The following OR52A1 variants were observed in gnomAD, a reference collection of about 807,000 sequenced individuals.
OR52A1 encodes olfactory receptor family 52 subfamily A member 1.
A neutral mutation model predicts 14.3 loss-of-function variants in OR52A1; 14 were observed. The ratio of observed to expected loss-of-function variants is 0.98; its 90% CI spans 0.65 to 1.54. The LOEUF is 1.54. Ranked by LOEUF, OR52A1 falls within the 40% of genes most tolerant of loss-of-function variation. The pLI, the probability that OR52A1 is intolerant of heterozygous loss-of-function variation, is 0.00. For missense variants in OR52A1, 405 were observed against 381.3 expected, an observed-to-expected ratio of 1.06 and a Z score of -0.52; for synonymous variants, 151 against 135.3, an observed-to-expected ratio of 1.12 and a Z score of -0.80.
chr11:5,149,964 C>A lies in OR52A1; in HGVS notation c.*1467G>T, dbSNP rs765653685. ...ATCCACCAGGTGGGTGTATGACAAGCAATCCAATATTTCTTATATTTGCAG... is the reference window on the plus strand; with the variant it reads ...ATCCACCAGGTGGGTGTATGACAAGAAATCCAATATTTCTTATATTTGCAG... On this transcript the variant is annotated 3_prime_UTR_variant, in exon 2 of 2. Coordinates refer to ENST00000380367, the MANE Select transcript of OR52A1 (RefSeq NM_012375.3). The A allele has an allele frequency of 7.2e-5, 11 of 152,072 alleles. No individual in the cohort carries two copies. The highest frequency in any genetic ancestry group is 1.3e-4 in the Non-Finnish European group (9 of 68,012). The allele number at this position is 152,072 out of a possible 1,614,324, so 9.4% of individuals were successfully genotyped here. A position where few individuals can be genotyped will look rare whatever the true frequency, so the allele number is the denominator to read the frequency against.
In OR52A1 at chr11:5,151,070, T is replaced by C. The variant is rs1846534222; in HGVS notation, c.*361A>G. The C allele has an allele frequency of 6.2e-6, 1 of 162,064 alleles. No homozygotes were observed. The highest frequency in any genetic ancestry group is 1.3e-5 in the Non-Finnish European group (1 of 74,728). The allele number at this position is 162,064 out of a possible 1,614,324, so 10.0% of individuals were successfully genotyped here. On this transcript the variant is annotated 3_prime_UTR_variant, in exon 2 of 2. Coordinates refer to ENST00000380367, the MANE Select transcript of OR52A1 (RefSeq NM_012375.3). ...AATGAGAGTCAACAACTTGTTTTCA[T>C]TGAGTCCCTGGATGTTTCAGAACAA...
At position 5,152,259 on chromosome 11, in the gene OR52A1, A is replaced by G. The variant is rs775611870; in HGVS notation, c.111T>C (p.Tyr37=). The G allele has an allele frequency of 3.1e-6, 5 of 1,614,156 alleles. No individual in the cohort carries two copies. Among genetic ancestry groups the G allele is most frequent in the Non-Finnish European group, 4.2e-6 (5 of 1,179,998 alleles). ...CWIGIPFCAI[Y]LIAMIGNSLL... Reference sequence around the variant, plus strand: ...AGGAATTTCCAATCATAGCAATGAGATAAATGGCACAGAATGGAATCCCAA... The same window carrying G: ...AGGAATTTCCAATCATAGCAATGAGGTAAATGGCACAGAATGGAATCCCAA... Residue 37 remains tyrosine (Y), a synonymous_variant, in exon 2 of 2, where the codon TAT becomes TAC. Transcript: ENST00000380367.
intron 1 of OR52A1, among the ~76,000 whole-genome samples, chr11:5,153,466 G>T (rs1227444132): frequency 1.3e-5 from 2 of 152,142 alleles, no homozygotes; most frequent in Non-Finnish European, 2.9e-5. Flanking sequence ...GGACAAACTT[G>T]GGGAGACTAA....
In OR52A1 at chr11:5,152,139, G is replaced by A. The variant is rs747962249; in HGVS notation, c.231C>T (p.Ser77=). ...TTCCAAGCATCTTTGGCATAATGCT[G>A]CTAGCAAGTGCAATGTCTGTGGCTC... The part of the protein sequence containing the change: ...MLGATDIALA[S]SIMPKMLGIF... Residue 77 remains serine (S), a synonymous_variant, in exon 2 of 2, where the codon AGC becomes AGT. Transcript: ENST00000380367. 6.2e-7 allele frequency: 1 copy of A among 1,614,028 alleles called. No individual in the cohort carries two copies. Among genetic ancestry groups the A allele is most frequent in the Non-Finnish European group, 8.5e-7 (1 of 1,179,916 alleles).
In OR52A1 at chr11:5,151,565, A is replaced by AC. The variant is rs112098990; in HGVS notation, c.804dup (p.Ser269ValfsTer13). On this transcript the variant is annotated frameshift_variant, in exon 2 of 2. Transcript: ENST00000380367. LOFTEE classifies it high-confidence loss of function. ...ATATGGATATAAGGGGAGATGTGAG[A>AC]CCCAAACCTATGTGTGAAGAAGGAG... 379,708 of 1,613,738 alleles carry AC rather than the reference A, an allele frequency of 0.24. 46,906 individuals are homozygous for AC. The highest frequency in any genetic ancestry group is 0.32 in the Middle Eastern group (1,941 of 6,062).
In OR52A1 at chr11:5,152,404, G is replaced by T. The variant is rs752340576; in HGVS notation, c.-35C>A. ...GGGTCTCCTGATGCAAACAAAAGAA[G>T]TTTCTCAGTCAGTGTTACTGTTCCT... On this transcript the variant is annotated 5_prime_UTR_variant, in exon 2 of 2. Coordinates refer to ENST00000380367, the MANE Select transcript of OR52A1 (RefSeq NM_012375.3). 3.8e-5 allele frequency: 55 copies of T among 1,462,242 alleles called. No homozygotes were observed. The highest frequency in any genetic ancestry group is 5.0e-5 in the Non-Finnish European group (54 of 1,070,590). 90.6% of individuals were successfully genotyped at this position (1,462,242 alleles called of 1,614,324 possible). A position where few individuals can be genotyped will look rare whatever the true frequency, so the allele number is the denominator to read the frequency against.
Position 5,148,533 on chromosome 11 carries a change from A to ATT in OR52A1, c.*2896_*2897dup, listed in dbSNP as rs397698801. On this transcript the variant is annotated 3_prime_UTR_variant, in exon 2 of 2. Coordinates refer to ENST00000380367, the MANE Select transcript of OR52A1 (RefSeq NM_012375.3). ...GAGCCACCGCACCCGGCCTGAAAGCATTTTTTTTTTTTCACCAAGCGTTCT... is the reference window on the plus strand; with the variant it reads ...GAGCCACCGCACCCGGCCTGAAAGCATTTTTTTTTTTTTTCACCAAGCGTTCT... The ATT allele has an allele frequency of 2.8e-5, 4 of 145,104 alleles. No individual in the cohort carries two copies. The highest frequency in any genetic ancestry group is 4.4e-4 in the South Asian group (2 of 4,552). 9.0% of individuals were successfully genotyped at this position (145,104 alleles called of 1,614,324 possible).
chr11:5,153,757 T>C (rs1334357580), intron 1 of OR52A1, among the ~76,000 whole-genome samples: 1 of 151,880 alleles, frequency 6.6e-6, no homozygotes, highest in Non-Finnish European at 1.5e-5. Flanking sequence ...GCTAACCGTA[T>C]GCTTCATGTC....
At chr11:5,153,282 CAG>C (rs1157062631) in intron 1 of OR52A1, among the ~76,000 whole-genome samples, 1 of 152,082 alleles carries the variant, frequency 6.6e-6, no homozygotes, top group East Asian at 1.9e-4. Flanking sequence ...TTAAAATGTT[CAG>C]AGTTATAATT....
chr11:5,148,781 A>T lies in OR52A1; in HGVS notation c.*2650T>A, dbSNP rs1846511218. On this transcript the variant is annotated 3_prime_UTR_variant, in exon 2 of 2. Coordinates refer to ENST00000380367, the MANE Select transcript of OR52A1 (RefSeq NM_012375.3). ...CAAATTAGAAAAATGAACAAAGGAA[A>T]CAATGAAGTACTTCACATAAAGAAT... is the stretch of plus-strand genomic sequence containing the variant. 6.6e-6 allele frequency: 1 copy of T among 152,238 alleles called. No homozygotes were observed. Among genetic ancestry groups the T allele is most frequent in the South Asian group, 2.1e-4 (1 of 4,830 alleles). 9.4% of individuals were successfully genotyped at this position (152,238 alleles called of 1,614,324 possible). A position where few individuals can be genotyped will look rare whatever the true frequency, so the allele number is the denominator to read the frequency against.
At chr11:5,154,099 A>T (rs1157354206) in intron 1 of OR52A1, among the ~76,000 whole-genome samples, 1 of 152,156 alleles carries the variant, frequency 6.6e-6, no homozygotes, top group Non-Finnish European at 1.5e-5. Flanking sequence ...TCCATAAGTC[A>T]CTGGCTTTTT....
In OR52A1 at chr11:5,148,013, A is replaced by T. The variant is rs2133532983; in HGVS notation, c.*3418T>A. ...ATAGGCCTGCTAACCAAATCTCAAA[A>T]GGTCGTCCATTTAACAATAAATTGA... On this transcript the variant is annotated 3_prime_UTR_variant, in exon 2 of 2. Transcript: ENST00000380367. 6.6e-6 allele frequency: 1 copy of T among 152,254 alleles called. No individual in the cohort carries two copies. The highest frequency in any genetic ancestry group is 2.1e-4 in the South Asian group (1 of 4,822). 9.4% of individuals were successfully genotyped at this position (152,254 alleles called of 1,614,324 possible).
At position 5,151,590 on chromosome 11, in the gene OR52A1, G is replaced by A. The variant is rs867500065; in HGVS notation, c.780C>T (p.Phe260=). Residue 260 remains phenylalanine, a synonymous_variant, in exon 2 of 2, where the codon TTC becomes TTT. Coordinates refer to ENST00000380367, the MANE Select transcript of OR52A1 (RefSeq NM_012375.3). The part of the protein sequence containing the change: ...VFLQFYLLAF[F]SFFTHRFGSH... ...ACCCAAACCTATGTGTGAAGAAGGA[G>A]AAGAAGGCAAGGAGGTAGAACTGGA... 1.2e-6 allele frequency: 2 copies of A among 1,614,092 alleles called. No individual in the cohort carries two copies. Among genetic ancestry groups the A allele is most frequent in the Non-Finnish European group, 1.7e-6 (2 of 1,179,970 alleles).
chr11:5,152,079 A>T lies in OR52A1; in HGVS notation c.291T>A (p.Asp97Glu), dbSNP rs755261323. Residue 97 changes from aspartate (D) to glutamate (E), a missense_variant, in exon 2 of 2, where the codon GAT (aspartate) becomes GAA (glutamate). By Grantham distance (45) the Asp-to-Glu change is conservative. Transcript: ENST00000380367. Reference protein sequence around the residue: ...FWFNVPEIYFDSCLLQMWFIH... With the variant: ...FWFNVPEIYFESCLLQMWFIH... ...TGAACCACATTTGAAGCAAGCAGGA[A>T]TCAAAATAGATTTCAGGCACATTAA... is the stretch of plus-strand genomic sequence containing the variant. 6.2e-7 allele frequency: 1 copy of T among 1,613,992 alleles called. No individual in the cohort carries two copies. The highest frequency in any genetic ancestry group is 8.5e-7 in the Non-Finnish European group (1 of 1,179,984).
chr11:5,153,321 AT>A (rs1188729354), intron 1 of OR52A1, among the ~76,000 whole-genome samples: 2 of 152,208 alleles, frequency 1.3e-5, no homozygotes, highest in Non-Finnish European at 1.5e-5. Flanking sequence ...ATAAAGGCTC[AT>A]TAGTTCTTAA....
chr11:5,151,514 C>A lies in OR52A1; in HGVS notation c.856G>T (p.Val286Phe). The A allele has an allele frequency of 1.2e-6, 2 of 1,613,888 alleles. No homozygotes were observed. The highest frequency in any genetic ancestry group is 1.1e-5 in the South Asian group (1 of 90,978). Residue 286 changes from valine to phenylalanine, a missense_variant, in exon 2 of 2, where the codon GTC becomes TTC. Physicochemically the swap from Val to Phe is conservative, Grantham distance 50 (BLOSUM62 -1). Transcript: ENST00000380367. ...HILFSSIYLL[V>F]PPFLNPLVYG... Reference sequence around the variant, plus strand: ...ACAAGTGGATTGAGAAATGGAGGGACCAGCAAGTAAATGCTAGAAAAGAGA... The same window carrying A: ...ACAAGTGGATTGAGAAATGGAGGGAACAGCAAGTAAATGCTAGAAAAGAGA...
rs1846500770 is a variant in OR52A1, at chr11:5,148,107, G to A, written c.*3324C>T. 1 of 152,084 alleles carries A rather than the reference G, an allele frequency of 6.6e-6. No homozygotes were observed. Among genetic ancestry groups the A allele is most frequent in the African/African-American group, 2.4e-5 (1 of 41,398 alleles). The allele number at this position is 152,084 out of a possible 1,614,324, so 9.4% of individuals were successfully genotyped here. On this transcript the variant is annotated 3_prime_UTR_variant, in exon 2 of 2. Coordinates refer to ENST00000380367, the MANE Select transcript of OR52A1 (RefSeq NM_012375.3). ...GGAATATCAGCATAGAAGGCTTGTT[G>A]CCAAAGGACAGTTCTCTACCAAGAA...
At position 5,147,323 on chromosome 11, in the gene OR52A1, T is replaced by C. The variant is rs1408200308; in HGVS notation, c.*4108A>G. ...CAATGCCCAGATTCTGGTCAGATAT[T>C]ATTCTGGATGTTTCTGTGTGGGTAT... On this transcript the variant is annotated 3_prime_UTR_variant, in exon 2 of 2. Coordinates refer to ENST00000380367, the MANE Select transcript of OR52A1 (RefSeq NM_012375.3). The C allele has an allele frequency of 6.6e-6, 1 of 152,238 alleles. No individual in the cohort carries two copies. The highest frequency in any genetic ancestry group is 1.5e-5 in the Non-Finnish European group (1 of 68,050). The allele number at this position is 152,238 out of a possible 1,614,324, so 9.4% of individuals were successfully genotyped here.
At position 5,147,612 on chromosome 11, in the gene OR52A1, A is replaced by G. The variant is rs1846494370; in HGVS notation, c.*3819T>C. On this transcript the variant is annotated 3_prime_UTR_variant, in exon 2 of 2. Transcript: ENST00000380367. ...TGAGTCAGGTTCTTAAAATTAATCT[A>G]TCTCATATAGATACATAGATACAGA... The G allele has an allele frequency of 6.6e-6, 1 of 152,118 alleles. No homozygotes were observed. The highest frequency in any genetic ancestry group is 1.5e-5 in the Non-Finnish European group (1 of 68,024). The allele number at this position is 152,118 out of a possible 1,614,324, so 9.4% of individuals were successfully genotyped here.
Sources: allele counts gnomAD v4.1 joint callset (sites outside exome capture counted in the v4.1 genomes callset), GRCh38; gene constraint gnomAD v4.1.1; transcripts MANE v1.5; gene names NCBI Gene and HGNC (gene_info 2026-07-23, HGNC 2026-07-21).